ARID4B: variants seen among roughly 807,000 people sequenced by gnomAD.
The protein encoded by ARID4B is AT-rich interaction domain 4B, also known as AT-rich interactive domain-containing protein 4B.
In ARID4B, 26 loss-of-function variants were observed where a neutral mutation model predicts 147.5. The observed-to-expected ratio is 0.18, with a 90% confidence interval of 0.13 to 0.24. The LOEUF is 0.24. Among genes scored for constraint, ARID4B ranks in the 10% least tolerant of loss-of-function variants. The pLI, the probability that ARID4B is intolerant of heterozygous loss-of-function variation, is 1.00. For missense variants in ARID4B, 1,179 were observed against 1,511.5 expected, an observed-to-expected ratio of 0.78 and a Z score of 3.65; for synonymous variants, 512 against 507.9, an observed-to-expected ratio of 1.01 and a Z score of -0.11.
chr1:235,213,293 G>T (rs921466780), intron 17 of ARID4B, among the ~76,000 whole-genome samples: 1 of 152,108 alleles, frequency 6.6e-6, no homozygotes, highest in Non-Finnish European at 1.5e-5. Context: ...TCTGAATAAG[G>T]CTGTAATGCA....
chr1:235,223,417 A>G (rs1667627857), intron 12 of ARID4B, among the ~76,000 whole-genome samples, 157 bp from the exon 13 acceptor site: 1 of 113,762 alleles, frequency 8.8e-6, no homozygotes, highest in Non-Finnish European at 1.9e-5. Flanking sequence ...ATATACATAT[A>G]TATGTATATA....
intron 2 of ARID4B, among the ~76,000 whole-genome samples, chr1:235,318,168 CTTTTTTTTTTTTTTTT>C (rs372816686): frequency 1.2e-3 from 132 of 112,010 alleles, no homozygotes; most frequent in African/African-American, 5.2e-3. Flanking sequence ...CTTGCTACTC[CTTTTTTTTTTTTTTTT>C]TTTTTTTTTT....
chr1:235,288,977 T>C (rs1341553570), intron 2 of ARID4B, among the ~76,000 whole-genome samples: 2 of 152,364 alleles, frequency 1.3e-5, no homozygotes, highest in East Asian at 3.8e-4. Flanking sequence ...AGCAATGCAA[T>C]ATCTTAACAG....
At chr1:235,323,156 G>C (rs1257654237) in intron 2 of ARID4B, among the ~76,000 whole-genome samples, 3 of 150,942 alleles carry the variant, frequency 2.0e-5, no homozygotes, top group African/African-American at 7.3e-5. Context: ...TCCTACCTCA[G>C]TCTCCTGAGT....
chr1:235,269,531 T>C (rs1670831910), intron 2 of ARID4B, among the ~76,000 whole-genome samples: 1 of 152,158 alleles, frequency 6.6e-6, no homozygotes, highest in Non-Finnish European at 1.5e-5. Flanking sequence ...CACACTGGAG[T>C]ACAATGGGTG....
chr1:235,284,104 G>A (rs559204469), intron 2 of ARID4B, among the ~76,000 whole-genome samples: 9 of 151,900 alleles, frequency 5.9e-5, no homozygotes, highest in African/African-American at 2.2e-4. Context: ...GCTCACGCCT[G>A]TAATCCCACC....
intron 7 of ARID4B, among the ~76,000 whole-genome samples, chr1:235,245,549 T>C (rs116315496): frequency 5.3e-5 from 8 of 152,178 alleles, no homozygotes; most frequent in African/African-American, 1.7e-4. Flanking sequence ...ATAATATATA[T>C]AAAAACGTAG....
In ARID4B at chr1:235,182,807, GA is replaced by G. The variant is rs60537954; in HGVS notation, c.2126-15del. The G allele has an allele frequency of 2.8e-5, 43 of 1,539,988 alleles. No homozygotes were observed. The highest frequency in any genetic ancestry group is 1.2e-4 in the South Asian group (10 of 80,118). On this transcript the variant is annotated splice_polypyrimidine_tract_variant and intron_variant, in intron 19 of 23. Transcript: ENST00000264183. ...AACTTTCAGAAGCTAGAAAATAACA[GA>G]AAAAAAAATGATGAGTATGATAAGA...
chr1:235,200,256 C>G (rs575790029), intron 17 of ARID4B, among the ~76,000 whole-genome samples: 2 of 152,102 alleles, frequency 1.3e-5, no homozygotes, highest in African/African-American at 4.8e-5. Flanking sequence ...GTCAGGAGTT[C>G]GAGACCAGCC....
intron 7 of ARID4B, among the ~76,000 whole-genome samples, chr1:235,244,197 C>A (rs889335237): frequency 3.3e-5 from 5 of 152,150 alleles, no homozygotes; most frequent in African/African-American, 1.2e-4. Context: ...CATAAATAAT[C>A]CCTTGTTAAC....
Position 235,223,389 on chromosome 1 carries a change from A to T in ARID4B, c.971-129T>A, listed in dbSNP as rs571367142. 107 of 205,928 alleles carry T rather than the reference A, an allele frequency of 5.2e-4. 1 individual carries two copies. In the Middle Eastern group the frequency reaches 7.9e-3, roughly 15 times the overall value. 12.8% of individuals were successfully genotyped at this position (205,928 alleles called of 1,614,324 possible). ...TACACGTATATATATATATACACGT[A>T]TATATATGTGTGTGTATATATACAT... On this transcript the variant is annotated intron_variant, in intron 12 of 23. Transcript: ENST00000264183.
At chr1:235,216,947 T>C (rs968815299) in intron 16 of ARID4B, among the ~76,000 whole-genome samples, 11 of 152,120 alleles carry the variant, frequency 7.2e-5, no homozygotes, top group African/African-American at 2.4e-4. Flanking sequence ...ATCAAAATTC[T>C]AAATTTTTTG....
chr1:235,194,000 T>A lies in ARID4B; in HGVS notation c.2125+13A>T, dbSNP rs775025766. 70 of 683,034 alleles carry A rather than the reference T, an allele frequency of 1.0e-4. No individual in the cohort carries two copies. Among genetic ancestry groups the A allele is most frequent in the Non-Finnish European group, 1.2e-4 (60 of 484,212 alleles). 42.3% of individuals were successfully genotyped at this position (683,034 alleles called of 1,614,324 possible). A position where few individuals can be genotyped will look rare whatever the true frequency, so the allele number is the denominator to read the frequency against. ...ATCAAATACTTGCACAACAGAACGA[T>A]TGTTATGTTTACCTTGAAGTCCATT... On this transcript the variant is annotated intron_variant, in intron 19 of 23. Transcript: ENST00000264183.
chr1:235,254,476 A>T (rs1296484152), intron 5 of ARID4B, among the ~76,000 whole-genome samples: 1 of 151,978 alleles, frequency 6.6e-6, no homozygotes, highest in Non-Finnish European at 1.5e-5. Flanking sequence ...AACAAAAATA[A>T]AAATAAATTT....
At chr1:235,195,716 A>T (rs1665448364) in intron 18 of ARID4B, among the ~76,000 whole-genome samples, 1 of 152,176 alleles carries the variant, frequency 6.6e-6, no homozygotes, top group Admixed American at 6.5e-5. Context: ...CTACAATAAT[A>T]ACCTATGTCT....
intron 4 of ARID4B, 77 bp downstream of exon 4, chr1:235,257,083 G>C: frequency 1.0e-6 from 1 of 968,834 alleles, no homozygotes; most frequent in Non-Finnish European, 1.6e-6. Flanking sequence ...AATAACAAAA[G>C]AGCCAATGAA....
rs191801825 is a variant in ARID4B at position 235,318,954 on chromosome 1, A to C, written c.6+7960T>G. On this transcript the variant is annotated intron_variant, in intron 2 of 23. Coordinates refer to ENST00000264183, the MANE Select transcript of ARID4B (RefSeq NM_016374.6). ...CAGTGAATGACTGCTAATGGATAAG[A>C]AGTTTCTTGTTGGGAATTTGGAAAT... Among the ~76,000 whole-genome samples, 55 of 152,180 alleles carry C rather than the reference A, an allele frequency of 3.6e-4. No homozygotes were observed. The East Asian group carries it at 9.9e-3, about 27-fold the overall frequency.
At chr1:235,231,018 A>T in intron 10 of ARID4B, 95 bp downstream of exon 10, 1 of 851,946 alleles carries the variant, frequency 1.2e-6, no homozygotes, top group Non-Finnish European at 1.9e-6. Context: ...AACATAATTT[A>T]AAGAAAAATT....
intron 11 of ARID4B, among the ~76,000 whole-genome samples, chr1:235,225,977 T>A (rs2103036419): frequency 6.6e-6 from 1 of 152,318 alleles, no homozygotes; most frequent in East Asian, 1.9e-4. Context: ...CAGGTTTTGG[T>A]AAGGTGATCA....
Sources: allele counts gnomAD v4.1 joint callset (sites outside exome capture counted in the v4.1 genomes callset), GRCh38; gene constraint gnomAD v4.1.1; transcripts MANE v1.5; gene names NCBI Gene and HGNC (gene_info 2026-07-23, HGNC 2026-07-21).